SLC35A5: variants seen among roughly 807,000 people sequenced by gnomAD.
SLC35A5 encodes solute carrier family 35 member A5, also known as UDP-sugar transporter protein SLC35A5.
SLC35A5 carries 28 observed loss-of-function variants against 36.3 expected under a neutral mutation model. The observed-to-expected ratio is 0.77, with a 90% CI of 0.57 to 1.06. The LOEUF (loss-of-function observed/expected upper bound fraction) is 1.06. Ranked by LOEUF, SLC35A5 falls within the 50% of genes least tolerant of loss-of-function variation. SLC35A5 has a pLI of 0.00. For synonymous variants in SLC35A5, 180 were observed against 173.7 expected (o/e 1.04, Z -0.29); for missense variants, 521 against 499.3 (o/e 1.04, Z -0.41).
chr3:112,569,116 A>G (rs1934320780), intron 2 of SLC35A5, 55 bp from the exon 3 acceptor site: 1 of 1,342,208 alleles, frequency 7.5e-7, no homozygotes, highest in Non-Finnish European at 1.1e-6. Context: ...TATACTGTAT[A>G]TAAACATACA....
Position 112,583,852 on chromosome 3 carries a change from G to A in SLC35A5, c.*1116G>A, listed in dbSNP as rs747403065. 2 of 152,150 alleles carry A rather than the reference G, an allele frequency of 1.3e-5. No homozygotes were observed. The highest frequency in any genetic ancestry group is 2.9e-5 in the Non-Finnish European group (2 of 68,016). The allele number at this position is 152,150 out of a possible 1,614,324, so 9.4% of individuals were successfully genotyped here. ...CCAGTTAACTCTCGTAGATAGAGAA[G>A]TCAGGTGATAGATGATATTAAAAAT... On this transcript the variant is annotated 3_prime_UTR_variant, in exon 7 of 7. Transcript: ENST00000492406.
At chr3:112,577,560 T>G (rs528675940) in intron 5 of SLC35A5, among the ~76,000 whole-genome samples, 3 of 152,298 alleles carry the variant, frequency 2.0e-5, no homozygotes, top group African/African-American at 7.2e-5. Context: ...CTTTGGGAAA[T>G]AATACCAACC....
rs558521442 is a variant in SLC35A5 at position 112,563,774 on chromosome 3, G to GT, written c.130+242dup. On this transcript the variant is annotated intron_variant, in intron 2 of 6. Transcript: ENST00000492406. ...CAAACCCTTTGGTGAAGAACCAGTC[G>GT]TAACATTTGACTGTTAATTCAATCA... Among the ~76,000 whole-genome samples the GT allele has an allele frequency of 2.0e-4, 31 of 152,322 alleles. No homozygotes were observed. The South Asian group carries it at 6.2e-3, about 31-fold the overall frequency.
chr3:112,570,469 A>G (rs1238645838), intron 3 of SLC35A5, 71 bp from the exon 4 acceptor site: 3 of 1,487,822 alleles, frequency 2.0e-6, no homozygotes, highest in South Asian at 2.6e-5. Context: ...ATCAGTAATC[A>G]AGTGCAGTGT....
rs1265157828 is a variant in SLC35A5 at position 112,584,892 on chromosome 3, A to G, written c.*2156A>G. The G allele has an allele frequency of 1.3e-5, 2 of 152,194 alleles. No individual in the cohort carries two copies. 9.4% of individuals were successfully genotyped at this position (152,194 alleles called of 1,614,324 possible). A position where few individuals can be genotyped will look rare whatever the true frequency, so the allele number is the denominator to read the frequency against. ...ATGAAACCATGTGCTTTAAAGCCACATGGATGCAGCTGGAAGCCATTATCC... is the reference window on the plus strand; with the variant it reads ...ATGAAACCATGTGCTTTAAAGCCACGTGGATGCAGCTGGAAGCCATTATCC... On this transcript the variant is annotated 3_prime_UTR_variant, in exon 7 of 7. Transcript: ENST00000492406.
chr3:112,575,089 G>T (rs1934607083), intron 5 of SLC35A5, among the ~76,000 whole-genome samples: 1 of 152,014 alleles, frequency 6.6e-6, no homozygotes, highest in Non-Finnish European at 1.5e-5. Flanking sequence ...TTTGAGAAAA[G>T]GTAAGCAAGC....
At chr3:112,576,669 T>G (rs1397772067) in intron 5 of SLC35A5, among the ~76,000 whole-genome samples, 1 of 152,226 alleles carries the variant, frequency 6.6e-6, no homozygotes, top group Non-Finnish European at 1.5e-5. Context: ...ACTGGCTTAT[T>G]TCACTTAGCT....
intron 5 of SLC35A5, among the ~76,000 whole-genome samples, chr3:112,575,934 AT>A (rs1418874506): frequency 1.5e-4 from 22 of 150,744 alleles, no homozygotes; most frequent in African/African-American, 5.4e-4. Context: ...TAATTTTTGT[AT>A]TTTTAGTAGA....
rs79337402 is a variant in SLC35A5, at chr3:112,566,722, A to G, written c.131-2449A>G. On this transcript the variant is annotated intron_variant, in intron 2 of 6. Coordinates refer to ENST00000492406, the MANE Select transcript of SLC35A5 (RefSeq NM_017945.5). ...GAGAATATGTTTGATAATCTCAGAA[A>G]GGAGTTAGTTTCAGATATCAGATTA... Among the ~76,000 whole-genome samples the G allele has an allele frequency of 2.6e-5, 4 of 152,374 alleles. No homozygotes were observed. In the East Asian group the frequency reaches 7.7e-4, roughly 29 times the overall value.
At chr3:112,579,431 CCTAA>C (rs1335743292) in intron 5 of SLC35A5, among the ~76,000 whole-genome samples, 1 of 151,812 alleles carries the variant, frequency 6.6e-6, no homozygotes, top group East Asian at 1.9e-4. Context: ...CCCTTCTTTG[CCTAA>C]CTAACTGATC....
intron 4 of SLC35A5, among the ~76,000 whole-genome samples, chr3:112,571,621 C>G (rs1934441381): frequency 6.6e-6 from 1 of 152,148 alleles, no homozygotes; most frequent in African/African-American, 2.4e-5. Context: ...ACGCACAGTT[C>G]CACAAGGCTG....
At chr3:112,564,818 C>G (rs1382288311) in intron 2 of SLC35A5, among the ~76,000 whole-genome samples, 1 of 152,202 alleles carries the variant, frequency 6.6e-6, no homozygotes, top group Non-Finnish European at 1.5e-5. Flanking sequence ...GAGCATGCTG[C>G]CTTCAAGCAT....
intron 4 of SLC35A5, among the ~76,000 whole-genome samples, chr3:112,573,421 G>A (rs1248841966): frequency 2.0e-5 from 3 of 152,162 alleles, no homozygotes; most frequent in Non-Finnish European, 4.4e-5. Context: ...TTGAGTTACT[G>A]CAGTTCAACC....
At position 112,569,179 on chromosome 3, in the gene SLC35A5, T is replaced by C. The variant is rs1194601897; in HGVS notation, c.139T>C (p.Tyr47His). The change falls in exon 3 of 7, where the codon TAT (tyrosine) becomes CAT (histidine). Residue 47 changes from tyrosine (Y) to histidine (H), a missense_variant. Transcript: ENST00000492406. ...VKYSANEENK[Y>H]DYLPTTVNVC... Reference sequence around the variant, plus strand: ...TTTCTGTTACATTTCAGAAAACAAGTATGATTATCTTCCAACTACTGTGAA... The same window carrying C: ...TTTCTGTTACATTTCAGAAAACAAGCATGATTATCTTCCAACTACTGTGAA... 6.2e-7 allele frequency: 1 copy of C among 1,612,164 alleles called. No homozygotes were observed. The highest frequency in any genetic ancestry group is 8.5e-7 in the Non-Finnish European group (1 of 1,179,050).
intron 6 of SLC35A5, among the ~76,000 whole-genome samples, chr3:112,582,304 T>C (rs929983319): frequency 1.3e-5 from 2 of 152,144 alleles, no homozygotes; most frequent in Non-Finnish European, 2.9e-5. Context: ...AGAAGTCTTG[T>C]ATTCTTTTCC....
chr3:112,561,652 G>C, upstream of SLC35A5: 1 of 987,932 alleles, frequency 1.0e-6, no homozygotes, highest in Non-Finnish European at 1.5e-6. Flanking sequence ...GGCAGCACCC[G>C]AGGGGACGGG....
At chr3:112,565,721 C>T (rs1359534843) in intron 2 of SLC35A5, among the ~76,000 whole-genome samples, 2 of 151,658 alleles carry the variant, frequency 1.3e-5, no homozygotes, top group Non-Finnish European at 1.5e-5. Flanking sequence ...TGCAGTGAGC[C>T]GAGATCATGC....
At chr3:112,581,801 G>A (rs973282035) in intron 6 of SLC35A5, among the ~76,000 whole-genome samples, 1 of 152,162 alleles carries the variant, frequency 6.6e-6, no homozygotes, top group Non-Finnish European at 1.5e-5. Flanking sequence ...AGAAAGCCTG[G>A]CTCCTCAGTC....
intron 6 of SLC35A5, among the ~76,000 whole-genome samples, chr3:112,582,104 G>C (rs1469281342): frequency 1.3e-5 from 2 of 152,072 alleles, no homozygotes; most frequent in East Asian, 3.9e-4. Flanking sequence ...ATTTTCTTGA[G>C]CACACAAAAT....
Sources: allele counts gnomAD v4.1 joint callset (sites outside exome capture counted in the v4.1 genomes callset), GRCh38; gene constraint gnomAD v4.1.1; transcripts MANE v1.5; gene names NCBI Gene and HGNC (gene_info 2026-07-23, HGNC 2026-07-21).